TF: variants seen among roughly 807,000 people sequenced by gnomAD.
TF encodes serotransferrin.
In TF, 55 loss-of-function variants were observed where a neutral mutation model predicts 82.4. The ratio of observed to expected loss-of-function variants is 0.67; its 90% CI spans 0.54 to 0.84. TF has a LOEUF of 0.84. Among genes scored for constraint, TF ranks in the 40% least tolerant of loss-of-function variants. The pLI is 0.00. For missense variants in TF, 737 were observed against 868.4 expected, an observed-to-expected ratio of 0.85 and a Z score of 1.90; for synonymous variants, 332 against 332.6, an observed-to-expected ratio of 1.00 and a Z score of 0.02.
At chr3:133,676,809 G>A in the TF span, among the ~76,000 whole-genome samples, 373 of 152,300 alleles carry the variant, frequency 2.4e-3, 1 homozygote, top group African/African-American at 8.4e-3. Flanking sequence ...TCTGTCTCTC[G>A]TCCTGGCAAT....
chr3:133,693,506 G>A, the TF span, among the ~76,000 whole-genome samples: 1 of 152,248 alleles, frequency 6.6e-6, no homozygotes, highest in Non-Finnish European at 1.5e-5. Flanking sequence ...ATGTCTGACT[G>A]TGACAGGGAC....
Position 133,796,104 on chromosome 3 carries a change from A to T in TF, c.*17484A>T, listed in dbSNP as rs1466165025. On this transcript the variant is annotated 3_prime_UTR_variant, in exon 17 of 17. Transcript: ENST00000402696. ...ATAGATATCCACCCCCTGAGTTCCC[A>T]TTAAATCTTTTAACCAAATTAATTT... 6.5e-6 allele frequency: 1 copy of T among 153,336 alleles called. No homozygotes were observed. Among genetic ancestry groups the T allele is most frequent in the Non-Finnish European group, 1.5e-5 (1 of 68,056 alleles). 9.5% of individuals were successfully genotyped at this position (153,336 alleles called of 1,614,324 possible).
chr3:133,730,619 C>G, the TF span, among the ~76,000 whole-genome samples: 1 of 152,162 alleles, frequency 6.6e-6, no homozygotes, highest in Non-Finnish European at 1.5e-5. Context: ...TGTCCCAATT[C>G]TAAGAACCTG....
At chr3:133,672,237 G>A in the TF span, among the ~76,000 whole-genome samples, 1 of 152,232 alleles carries the variant, frequency 6.6e-6, no homozygotes, top group East Asian at 1.9e-4. Flanking sequence ...TTTTCCACAA[G>A]TAAAACTCTA....
the TF span, among the ~76,000 whole-genome samples, chr3:133,675,795 T>G: frequency 6.6e-6 from 1 of 152,192 alleles, no homozygotes; most frequent in Non-Finnish European, 1.5e-5. Flanking sequence ...TGTGTTTTAG[T>G]TGGGTATGAC....
At chr3:133,721,962 C>T in the TF span, among the ~76,000 whole-genome samples, 216 of 152,238 alleles carry the variant, frequency 1.4e-3, no homozygotes, top group African/African-American at 5.1e-3. Flanking sequence ...TCACTGCAAC[C>T]TCTGCCTCCT....
chr3:133,747,738 C>T (rs914047896), intron 1 of TF, among the ~76,000 whole-genome samples: 3 of 152,126 alleles, frequency 2.0e-5, no homozygotes, highest in African/African-American at 7.2e-5. Flanking sequence ...GTTTTTAGTT[C>T]TTCCTAAACA....
At position 133,785,347 on chromosome 3, in the gene TF, T is replaced by TG. The variant is rs1181559957; in HGVS notation, c.*6734dup. ...CCAGCCGCCCCATCCGGGAGGGAGGTGGGGGGGTCAGCCCCCCGCCCGGCC... is the reference window on the plus strand; with the variant it reads ...CCAGCCGCCCCATCCGGGAGGGAGGTGGGGGGGGTCAGCCCCCCGCCCGGCC... On this transcript the variant is annotated 3_prime_UTR_variant, in exon 17 of 17. Coordinates refer to ENST00000402696, the MANE Select transcript of TF (RefSeq NM_001063.4). 1.1e-5 allele frequency: 1 copy of TG among 88,604 alleles called. No homozygotes were observed. The highest frequency in any genetic ancestry group is 4.9e-5 in the African/African-American group (1 of 20,322). The allele number at this position is 88,604 out of a possible 1,614,324, so 5.5% of individuals were successfully genotyped here.
Position 133,759,306 on chromosome 3 carries a change from G to A in TF, c.1180G>A (p.Glu394Lys), listed in dbSNP as rs121918680. The A allele has an allele frequency of 2.5e-6, 4 of 1,613,402 alleles. No individual in the cohort carries two copies. Among genetic ancestry groups the A allele is most frequent in the East Asian group, 2.2e-5 (1 of 44,866 alleles). Residue 394 changes from glutamate to lysine, a missense_variant, in exon 9 of 17, where the codon GAA (glutamate) becomes AAA (lysine). Physicochemically the swap from Glu to Lys is moderately conservative, Grantham distance 56 (BLOSUM62 1). Coordinates refer to ENST00000402696, the MANE Select transcript of TF (RefSeq NM_001063.4). ...KIECVSAETT[E>K]DCIAKIMNGE... is the part of the protein sequence containing the mutation. ...AGAGTGTGTATCAGCAGAGACCACC[G>A]AAGACTGCATCGCCAAGATCATGGT...
At chr3:133,687,322 T>G in the TF span, among the ~76,000 whole-genome samples, 3 of 151,950 alleles carry the variant, frequency 2.0e-5, no homozygotes, top group Non-Finnish European at 4.4e-5. Flanking sequence ...TGTGCACATG[T>G]ACCCTACAAC....
At chr3:133,721,282 G>A in the TF span, among the ~76,000 whole-genome samples, 2,178 of 151,926 alleles carry the variant, frequency 0.014, 55 homozygotes, top group African/African-American at 0.049. Context: ...GTTTTAGTAC[G>A]ATGTGCTTCC....
At chr3:133,707,726 A>G in the TF span, 113,377 of 152,110 alleles carry the variant, frequency 0.75, 42,751 homozygotes, top group Non-Finnish European at 0.82. Context: ...CTAATTCTAA[A>G]AATTTATGAT....
chr3:133,740,982 C>A, the TF span, among the ~76,000 whole-genome samples: 6 of 122,342 alleles, frequency 4.9e-5, no homozygotes, highest in African/African-American at 9.5e-5. Flanking sequence ...CTTGATCCAG[C>A]TCTATTTTTT....
At chr3:133,691,499 A>G in the TF span, among the ~76,000 whole-genome samples, 1 of 152,238 alleles carries the variant, frequency 6.6e-6, no homozygotes, top group Non-Finnish European at 1.5e-5. Flanking sequence ...GATAAGGCTC[A>G]GAAGGAAAAC....
the TF span, among the ~76,000 whole-genome samples, chr3:133,686,199 G>A: frequency 6.6e-6 from 1 of 152,040 alleles, no homozygotes; most frequent in South Asian, 2.1e-4. Context: ...ACATTAATTC[G>A]AGATGGATTA....
chr3:133,697,177 G>C, the TF span, among the ~76,000 whole-genome samples: 1 of 152,016 alleles, frequency 6.6e-6, no homozygotes, highest in South Asian at 2.1e-4. Flanking sequence ...TTATTGCACT[G>C]GTTTGTTAGC....
the TF span, chr3:133,699,423 C>T: frequency 3.3e-6 from 4 of 1,201,076 alleles, no homozygotes; most frequent in Non-Finnish European, 4.6e-6. Context: ...GCGTTAGGCT[C>T]ACCTGGGCTT....
At chr3:133,767,974 A>C (rs1934166158) in intron 12 of TF, 55 bp from the exon 13 acceptor site, 1 of 1,611,824 alleles carries the variant, frequency 6.2e-7, no homozygotes, top group Non-Finnish European at 8.5e-7. Flanking sequence ...CTCTTAAATA[A>C]AAGCTGCTTG....
chr3:133,732,736 C>T, the TF span, among the ~76,000 whole-genome samples: 1 of 152,142 alleles, frequency 6.6e-6, no homozygotes, highest in African/African-American at 2.4e-5. Context: ...CTTGACACAC[C>T]GTCTTTAAGA....
Sources: gnomAD v4.1 joint callset for allele counts (sites outside exome capture counted in the v4.1 genomes callset) on GRCh38, gnomAD v4.1.1 for gene constraint, MANE v1.5 for transcripts, NCBI Gene and HGNC (gene_info 2026-07-23, HGNC 2026-07-21) for gene names.